CPNE5: variants seen among roughly 807,000 people sequenced by gnomAD.
The protein encoded by CPNE5 is copine 5, also known as copine-5.
Under a neutral mutation model 81.1 loss-of-function variants are expected in CPNE5, and 42 were observed. That is an observed-to-expected ratio of 0.52 (90% CI 0.40 to 0.67). CPNE5 has a LOEUF of 0.67. Among genes scored for constraint, CPNE5 ranks in the 30% least tolerant of loss-of-function variants. CPNE5 has a pLI of 0.00. For synonymous variants in CPNE5, 313 were observed against 321.5 expected, an observed-to-expected ratio of 0.97 and a Z score of 0.28; for missense variants, 612 against 815.5, an observed-to-expected ratio of 0.75 and a Z score of 3.04.
At chr6:36,827,553 G>T (rs1180576444) in intron 1 of CPNE5, 25 of 985,204 alleles carry the variant, frequency 2.5e-5, no homozygotes, top group Non-Finnish European at 3.0e-5. Flanking sequence ...TTGAGACACC[G>T]TCTCTTAGGG....
chr6:36,777,870 G>A (rs555372898), intron 9 of CPNE5, among the ~76,000 whole-genome samples: 387 of 150,080 alleles, frequency 2.6e-3, no homozygotes, highest in Non-Finnish European at 5.1e-3. Flanking sequence ...TTGCCCAAAC[G>A]TTTCTCCCTT....
chr6:36,774,492 T>C (rs1477856212), intron 10 of CPNE5, among the ~76,000 whole-genome samples: 3 of 152,260 alleles, frequency 2.0e-5, no homozygotes, highest in Non-Finnish European at 4.4e-5. Flanking sequence ...CCCCAGTCTG[T>C]TGGCCAGGAA....
chr6:36,752,117 G>A (rs1468103280), intron 14 of CPNE5, among the ~76,000 whole-genome samples: 2 of 152,118 alleles, frequency 1.3e-5, no homozygotes, highest in African/African-American at 4.8e-5. Context: ...TGGCTTCCCA[G>A]GACCTGACTT....
At chr6:36,767,998 G>A (rs1472677488) in intron 10 of CPNE5, among the ~76,000 whole-genome samples, 2 of 152,120 alleles carry the variant, frequency 1.3e-5, no homozygotes, top group African/African-American at 4.8e-5. Flanking sequence ...CTCCCCAGGG[G>A]GATTTGAACT....
chr6:36,819,312 C>G (rs906997913), intron 3 of CPNE5, among the ~76,000 whole-genome samples: 1 of 152,244 alleles, frequency 6.6e-6, no homozygotes, highest in Non-Finnish European at 1.5e-5. Flanking sequence ...GTTGTCCAGG[C>G]TAGTCTCGAA....
At chr6:36,743,487 G>A (rs917747683) in intron 20 of CPNE5, among the ~76,000 whole-genome samples, 2 of 152,238 alleles carry the variant, frequency 1.3e-5, no homozygotes, top group African/African-American at 2.4e-5. Flanking sequence ...TGTCCCAGAT[G>A]TGACAGAGGG....
chr6:36,805,636 G>C, intron 3 of CPNE5, among the ~76,000 whole-genome samples: 1 of 152,118 alleles, frequency 6.6e-6, no homozygotes, highest in East Asian at 1.9e-4. Flanking sequence ...GGTGACAGGG[G>C]ACCTCCCTGG....
intron 3 of CPNE5, among the ~76,000 whole-genome samples, chr6:36,807,606 G>T (rs562640082): frequency 1.3e-5 from 2 of 152,010 alleles, no homozygotes; most frequent in East Asian, 3.9e-4. Context: ...TTCCTCTTCA[G>T]CTCCCACTCC....
At chr6:36,742,994 C>A (rs1051481442) in intron 20 of CPNE5, 198 of 985,282 alleles carry the variant, frequency 2.0e-4, no homozygotes, top group Non-Finnish European at 2.4e-4. Flanking sequence ...CTGGCTCACT[C>A]CTGCCTCCAG....
At position 36,746,374 on chromosome 6, in the gene CPNE5, T is replaced by C; in HGVS notation, c.1200+22A>G. 1 of 1,469,212 alleles carries C rather than the reference T, an allele frequency of 6.8e-7. No homozygotes were observed. Among genetic ancestry groups the C allele is most frequent in the Non-Finnish European group, 9.2e-7 (1 of 1,082,122 alleles). 91.0% of individuals were successfully genotyped at this position (1,469,212 alleles called of 1,614,324 possible). A position where few individuals can be genotyped will look rare whatever the true frequency, so the allele number is the denominator to read the frequency against. ...CACCCCCAGCCTGATCAGTCCTCTCTCCCACCAGCGGGACCACCTACCAGT... is the reference window on the plus strand; with the variant it reads ...CACCCCCAGCCTGATCAGTCCTCTCCCCCACCAGCGGGACCACCTACCAGT... On this transcript the variant is annotated intron_variant, in intron 16 of 20. Coordinates refer to ENST00000244751, the MANE Select transcript of CPNE5 (RefSeq NM_020939.2). The surrounding 1 kb of genome is among the most constrained non-coding windows in gnomAD (Gnocchi z 4.5).
chr6:36,768,475 G>A (rs57616518), intron 10 of CPNE5, among the ~76,000 whole-genome samples: 2,400 of 151,988 alleles, frequency 0.016, 47 homozygotes, highest in African/African-American at 0.045. Flanking sequence ...CAAGTGATCC[G>A]CCCACCTTGG....
At chr6:36,762,227 CAAAA>C (rs57426698) in intron 12 of CPNE5, among the ~76,000 whole-genome samples, 2 of 122,994 alleles carry the variant, frequency 1.6e-5, no homozygotes, top group African/African-American at 3.2e-5. Flanking sequence ...GGCCCTGTCT[CAAAA>C]AAAAAAAAAA....
In CPNE5 at chr6:36,831,156, G is replaced by A. The variant is rs374730970; in HGVS notation, c.96-8058C>T. ...TGCAACCTCCGCCTCCTGGGTTCAA[G>A]CTATTCTCCTGCCTCAGCCTCCAGA... On this transcript the variant is annotated intron_variant, in intron 1 of 20. Coordinates refer to ENST00000244751, the MANE Select transcript of CPNE5 (RefSeq NM_020939.2). 3.9e-5 allele frequency among the ~76,000 whole-genome samples: 6 copies of A among 152,164 alleles called. No homozygotes were observed. In the East Asian group the frequency reaches 7.7e-4, roughly 20 times the overall value.
At position 36,741,475 on chromosome 6, in the gene CPNE5, G is replaced by C. The variant is rs998887255; in HGVS notation, c.*793C>G. 6.6e-6 allele frequency: 1 copy of C among 152,276 alleles called. No homozygotes were observed. Among genetic ancestry groups the C allele is most frequent in the African/African-American group, 2.4e-5 (1 of 41,438 alleles). 9.4% of individuals were successfully genotyped at this position (152,276 alleles called of 1,614,324 possible). A position where few individuals can be genotyped will look rare whatever the true frequency, so the allele number is the denominator to read the frequency against. ...CACTCCTTACTCAGGCCTCCAGATG[G>C]GCAGAGGCGTGGGCACCGAGGGCCC... On this transcript the variant is annotated 3_prime_UTR_variant, in exon 21 of 21. Coordinates refer to ENST00000244751, the MANE Select transcript of CPNE5 (RefSeq NM_020939.2).
At chr6:36,821,377 G>A (rs909580403) in intron 3 of CPNE5, among the ~76,000 whole-genome samples, 1 of 152,144 alleles carries the variant, frequency 6.6e-6, no homozygotes, top group African/African-American at 2.4e-5. Context: ...AGGGCTCTGA[G>A]CAGAAAAGAG....
chr6:36,789,423 G>A (rs574904255), intron 8 of CPNE5, among the ~76,000 whole-genome samples: 40 of 152,306 alleles, frequency 2.6e-4, no homozygotes, highest in African/African-American at 9.1e-4. Context: ...TTTCCAAAGC[G>A]CTTTCATGTA....
chr6:36,742,842 G>C, intron 20 of CPNE5: 2 of 985,348 alleles, frequency 2.0e-6, no homozygotes, highest in Non-Finnish European at 2.4e-6. Context: ...TGCCCTCCTG[G>C]GTTTCCCCCG....
At chr6:36,817,002 T>C (rs1771602172) in intron 3 of CPNE5, among the ~76,000 whole-genome samples, 1 of 152,170 alleles carries the variant, frequency 6.6e-6, no homozygotes, top group Admixed American at 6.5e-5. Context: ...ATCCCCAGTA[T>C]GTTTAGATGC....
chr6:36,784,949 GAA>G (rs11384684), intron 8 of CPNE5, among the ~76,000 whole-genome samples: 1 of 137,542 alleles, frequency 7.3e-6, no homozygotes. Flanking sequence ...AGAGAGAGAG[GAA>G]AAAAAAAAAA....
Sources: allele counts gnomAD v4.1 joint callset (sites outside exome capture counted in the v4.1 genomes callset), GRCh38; gene constraint gnomAD v4.1.1; non-coding constraint Gnocchi (gnomAD v3.1); transcripts MANE v1.5; gene names NCBI Gene and HGNC (gene_info 2026-07-23, HGNC 2026-07-21).